Variants in TRABD2B observed in about 807,000 individuals in gnomAD.
TRABD2B encodes TraB domain containing 2B.
A neutral mutation model predicts 40.1 loss-of-function variants in TRABD2B; 14 were observed. The ratio of observed to expected loss-of-function variants is 0.35; its 90% CI spans 0.23 to 0.55. The LOEUF (loss-of-function observed/expected upper bound fraction) is 0.55, where lower values mean the gene tolerates loss of function less well. Among genes scored for constraint, TRABD2B ranks in the 20% least tolerant of loss-of-function variants. The pLI is 0.90. For missense variants in TRABD2B, 541 were observed against 648.6 expected (o/e 0.83, Z 1.80); for synonymous variants, 263 against 277.0 (o/e 0.95, Z 0.50).
chr1:47,827,238 A>G (rs1040836452), intron 2 of TRABD2B, among the ~76,000 whole-genome samples: 3 of 152,356 alleles, frequency 2.0e-5, no homozygotes, highest in South Asian at 2.1e-4. Context: ...GGAATTCCCC[A>G]GCTCATCAGC....
intron 2 of TRABD2B, among the ~76,000 whole-genome samples, chr1:47,927,854 G>A (rs577193503): frequency 1.1e-4 from 16 of 152,184 alleles, no homozygotes; most frequent in South Asian, 2.1e-4. Flanking sequence ...AATAATCTTC[G>A]CCTGAGCAAG....
At chr1:47,956,805 C>A (rs925628586) in intron 2 of TRABD2B, among the ~76,000 whole-genome samples, 2 of 152,246 alleles carry the variant, frequency 1.3e-5, no homozygotes, top group Admixed American at 1.3e-4. Context: ...CAAAAGGTAG[C>A]AGAAACTTCT....
In TRABD2B at chr1:47,996,999, T is replaced by C; in HGVS notation, c.-210A>G. ...CGTCTGTTGGAAGAGGGAGACCCTC[T>C]AGGGCTGGGCCCCTCCCCCGGGCGC... On this transcript the variant is annotated 5_prime_UTR_variant, in exon 1 of 7. Coordinates refer to ENST00000606738, the MANE Select transcript of TRABD2B (RefSeq NM_001194986.2). This position sits in a 1 kb window ranked among gnomAD's most constrained non-coding sequence, Gnocchi z 4.6. The C allele has an allele frequency of 9.2e-7, 1 of 1,081,372 alleles. No individual in the cohort carries two copies. Among genetic ancestry groups the C allele is most frequent in the Non-Finnish European group, 1.1e-6 (1 of 893,524 alleles). 67.0% of individuals were successfully genotyped at this position (1,081,372 alleles called of 1,614,324 possible). A position where few individuals can be genotyped will look rare whatever the true frequency, so the allele number is the denominator to read the frequency against.
intron 2 of TRABD2B, among the ~76,000 whole-genome samples, chr1:47,814,568 G>A (rs1413382086): frequency 6.6e-6 from 1 of 152,172 alleles, no homozygotes; most frequent in East Asian, 1.9e-4. Context: ...GGGCTCTGAG[G>A]CTTTCCTATT....
At chr1:47,958,036 T>G (rs1269229307) in intron 2 of TRABD2B, among the ~76,000 whole-genome samples, 1 of 152,086 alleles carries the variant, frequency 6.6e-6, no homozygotes, top group Non-Finnish European at 1.5e-5. Flanking sequence ...CAAGCCAGAA[T>G]AGAGTAGGGG....
At chr1:47,836,876 T>C (rs1219871381) in intron 2 of TRABD2B, among the ~76,000 whole-genome samples, 1 of 152,196 alleles carries the variant, frequency 6.6e-6, no homozygotes, top group Non-Finnish European at 1.5e-5. Flanking sequence ...AATATGCTGG[T>C]GCCTTGATCT....
At chr1:47,873,366 A>C (rs551490327) in intron 2 of TRABD2B, among the ~76,000 whole-genome samples, 1 of 152,304 alleles carries the variant, frequency 6.6e-6, no homozygotes, top group South Asian at 2.1e-4. Flanking sequence ...AAGTGTCCAC[A>C]ATGTTGATGT....
rs1046214426 is a variant in TRABD2B at position 47,946,065 on chromosome 1, T to A, written c.666+47969A>T. Among the ~76,000 whole-genome samples the A allele has an allele frequency of 3.9e-5, 6 of 152,218 alleles. No homozygotes were observed. In the East Asian group the frequency reaches 1.2e-3, roughly 29 times the overall value. Reference sequence around the variant, plus strand: ...TCTCATCAACCCTTGCTATTATCGGTTTTAATTGTAGCCACTGGATTAACT... The same window carrying A: ...TCTCATCAACCCTTGCTATTATCGGATTTAATTGTAGCCACTGGATTAACT... On this transcript the variant is annotated intron_variant, in intron 2 of 6. Transcript: ENST00000606738.
intron 2 of TRABD2B, among the ~76,000 whole-genome samples, chr1:47,805,628 C>A (rs1256886831): frequency 3.3e-5 from 5 of 152,164 alleles, no homozygotes; most frequent in African/African-American, 1.2e-4. Flanking sequence ...CAGAATCATG[C>A]GCACTTTCCC....
intron 4 of TRABD2B, among the ~76,000 whole-genome samples, chr1:47,779,426 T>A (rs1644490919): frequency 6.6e-6 from 1 of 152,226 alleles, no homozygotes; most frequent in Non-Finnish European, 1.5e-5. Context: ...AACCTTGCTC[T>A]GTGGTCAGTT....
At chr1:47,838,662 G>A (rs1228694609) in intron 2 of TRABD2B, among the ~76,000 whole-genome samples, 1 of 152,240 alleles carries the variant, frequency 6.6e-6, no homozygotes, top group Non-Finnish European at 1.5e-5. Flanking sequence ...ACACTTGTAA[G>A]GAGACGCAGT....
Position 47,994,707 on chromosome 1 carries a change from T to C in TRABD2B, c.103-110A>G, listed in dbSNP as rs1327449051. Reference sequence around the variant, plus strand: ...AGGTGGGGATGGGAGGCAGAGACCATACACAGGCCGTGGTAAAGAGCCAGG... The same window carrying C: ...AGGTGGGGATGGGAGGCAGAGACCACACACAGGCCGTGGTAAAGAGCCAGG... On this transcript the variant is annotated intron_variant, in intron 1 of 6. Coordinates refer to ENST00000606738, the MANE Select transcript of TRABD2B (RefSeq NM_001194986.2). This position sits in a 1 kb window ranked among gnomAD's most constrained non-coding sequence, Gnocchi z 6.7. 8 of 966,414 alleles carry C rather than the reference T, an allele frequency of 8.3e-6. 1 individual carries two copies. The East Asian group carries it at 1.3e-4, about 16-fold the overall frequency. 59.9% of individuals were successfully genotyped at this position (966,414 alleles called of 1,614,324 possible).
chr1:47,809,851 C>T (rs559405132), intron 2 of TRABD2B, among the ~76,000 whole-genome samples: 47 of 152,316 alleles, frequency 3.1e-4, no homozygotes, highest in African/African-American at 8.2e-4. Context: ...CTCTTCACTA[C>T]GAACCTCTGG....
chr1:47,912,571 A>G (rs1644777006), intron 2 of TRABD2B, among the ~76,000 whole-genome samples: 3 of 152,218 alleles, frequency 2.0e-5, no homozygotes, highest in South Asian at 2.1e-4. Context: ...TGGAAAATCC[A>G]GTATGTGTTC....
chr1:47,938,072 C>G (rs1645137742), intron 2 of TRABD2B, among the ~76,000 whole-genome samples: 2 of 152,216 alleles, frequency 1.3e-5, no homozygotes, highest in Non-Finnish European at 2.9e-5. Flanking sequence ...CATATTGTAG[C>G]CACCAAACTT....
At chr1:47,879,558 C>A (rs140133118) in intron 2 of TRABD2B, among the ~76,000 whole-genome samples, 1 of 152,180 alleles carries the variant, frequency 6.6e-6, no homozygotes, top group Non-Finnish European at 1.5e-5. Flanking sequence ...TCATCTAACG[C>A]GTATGCGTGT....
intron 2 of TRABD2B, among the ~76,000 whole-genome samples, chr1:47,887,930 A>T (rs1644392463): frequency 6.6e-6 from 1 of 152,182 alleles, no homozygotes; most frequent in African/African-American, 2.4e-5. Context: ...TTCCCTGACA[A>T]GGTGTCTCTG....
chr1:47,801,917 G>A (rs1460063786), intron 2 of TRABD2B, among the ~76,000 whole-genome samples: 1 of 152,198 alleles, frequency 6.6e-6, no homozygotes, highest in Non-Finnish European at 1.5e-5. Flanking sequence ...TTGTGTCTGG[G>A]TTTCGGAATG....
chr1:47,900,502 C>T (rs949921852), intron 2 of TRABD2B, among the ~76,000 whole-genome samples: 2 of 152,114 alleles, frequency 1.3e-5, no homozygotes, highest in Non-Finnish European at 2.9e-5. Flanking sequence ...GAGTTTCAGT[C>T]ATTGCCAAGG....
Sources: gnomAD v4.1 joint callset for allele counts (sites outside exome capture counted in the v4.1 genomes callset) on GRCh38, gnomAD v4.1.1 for gene constraint, Gnocchi (gnomAD v3.1) non-coding constraint, MANE v1.5 for transcripts, NCBI Gene and HGNC (gene_info 2026-07-23, HGNC 2026-07-21) for gene names.